RBFOX1: variants seen among roughly 807,000 people sequenced by gnomAD.
RBFOX1 encodes the protein RNA binding protein fox-1 homolog 1.
A neutral mutation model predicts 57.7 loss-of-function variants in RBFOX1; 8 were observed. The observed-to-expected ratio is 0.14, with a 90% CI of 0.08 to 0.25. RBFOX1 has a LOEUF of 0.25. Ranked by LOEUF, RBFOX1 falls within the 10% of genes least tolerant of loss-of-function variation. RBFOX1 has a pLI of 1.00. For synonymous variants in RBFOX1, 326 were observed against 222.4 expected, an observed-to-expected ratio of 1.47 and a Z score of -4.15; for missense variants, 611 against 548.5, an observed-to-expected ratio of 1.11 and a Z score of -1.14.
At chr16:6,155,498 C>T (rs2096832114) in intron 1 of RBFOX1, among the ~76,000 whole-genome samples, 1 of 152,190 alleles carries the variant, frequency 6.6e-6, no homozygotes, top group African/African-American at 2.4e-5. Flanking sequence ...ACTTCAAGGA[C>T]TTGGTAATGG....
intron 14 of RBFOX1, among the ~76,000 whole-genome samples, chr16:7,699,079 C>G (rs999163791): frequency 2.6e-5 from 4 of 152,144 alleles, no homozygotes; most frequent in African/African-American, 9.7e-5. Context: ...CCCTGAGATT[C>G]TGATTCATAA....
At chr16:7,332,989 C>A (rs777529405) in intron 4 of RBFOX1, 1 of 1,613,506 alleles carries the variant, frequency 6.2e-7, no homozygotes, top group South Asian at 1.1e-5. Flanking sequence ...GGAATAATAA[C>A]TCTACGTAAA....
chr16:6,732,225 C>T (rs963597156), intron 3 of RBFOX1, among the ~76,000 whole-genome samples: 8 of 152,228 alleles, frequency 5.3e-5, no homozygotes, highest in African/African-American at 1.9e-4. Context: ...TCTGCAGCCT[C>T]AGCTGGCATG....
At chr16:6,993,303 G>C (rs934715001) in intron 3 of RBFOX1, among the ~76,000 whole-genome samples, 1 of 152,110 alleles carries the variant, frequency 6.6e-6, no homozygotes, top group Non-Finnish European at 1.5e-5. Context: ...CTGAGAATCA[G>C]GATCTCTTGA....
At chr16:5,384,125 C>G (rs955503734) in intron 1 of RBFOX1, among the ~76,000 whole-genome samples, 4 of 152,182 alleles carry the variant, frequency 2.6e-5, no homozygotes, top group African/African-American at 7.2e-5. Context: ...GTCTTACTGG[C>G]TTTGATTGGG....
intron 3 of RBFOX1, among the ~76,000 whole-genome samples, chr16:6,706,204 C>G (rs28581762): frequency 6.6e-6 from 1 of 152,078 alleles, no homozygotes; most frequent in Non-Finnish European, 1.5e-5. Flanking sequence ...CCCTAAATTC[C>G]TCTCCTTAGG....
chr16:6,673,756 C>G (rs1247096224), intron 3 of RBFOX1, among the ~76,000 whole-genome samples: 1 of 152,184 alleles, frequency 6.6e-6, no homozygotes, highest in Non-Finnish European at 1.5e-5. Context: ...AATGTATCAT[C>G]TGTCATGGAG....
chr16:6,436,512 T>A, intron 2 of RBFOX1, among the ~76,000 whole-genome samples: 1 of 54,132 alleles, frequency 1.8e-5, no homozygotes, highest in East Asian at 4.1e-4. Flanking sequence ...TTTTCTTCAC[T>A]TTTTTTTTTT....
intron 4 of RBFOX1, among the ~76,000 whole-genome samples, chr16:7,345,572 G>C (rs2096982730): frequency 6.6e-6 from 1 of 152,134 alleles, no homozygotes; most frequent in Non-Finnish European, 1.5e-5. Context: ...GCGCCCAGCA[G>C]ATGTTGGATG....
intron 2 of RBFOX1, among the ~76,000 whole-genome samples, chr16:6,588,644 T>C (rs1035860825): frequency 6.6e-6 from 1 of 152,210 alleles, no homozygotes; most frequent in African/African-American, 2.4e-5. Context: ...AGAGTGAGAC[T>C]AAGTCTGAAA....
rs33912010 is a variant in RBFOX1, at chr16:5,989,880, A to ACACACC, written c.351+122546_351+122547insACACCC. On this transcript the variant is annotated intron_variant, in intron 4 of 19. Coordinates refer to the RBFOX1 transcript ENST00000641259. ...CACACACACACACACACACACACAC[A>ACACACC]CCACCCCTGTTTTATAATAGGAGTA... is the stretch of plus-strand genomic sequence containing the variant. Among the ~76,000 whole-genome samples, 1,215 of 127,278 alleles carry ACACACC rather than the reference A, an allele frequency of 9.5e-3. 30 individuals carry two copies. Among genetic ancestry groups the ACACACC allele is most frequent in the South Asian group, 0.062 (225 of 3,614 alleles). The allele number at this position is 127,278 out of a possible 152,430, so 83.5% of individuals were successfully genotyped here.
chr16:6,795,185 A>T (rs2083724766), intron 3 of RBFOX1, among the ~76,000 whole-genome samples: 1 of 152,168 alleles, frequency 6.6e-6, no homozygotes, highest in East Asian at 1.9e-4. Context: ...TGCTAATTCC[A>T]AGCTGGGTAT....
chr16:5,478,561 G>T (rs953278407), intron 2 of RBFOX1, among the ~76,000 whole-genome samples: 1 of 152,188 alleles, frequency 6.6e-6, no homozygotes, highest in African/African-American at 2.4e-5. Flanking sequence ...TTGGCCTTAT[G>T]AATGCAGGAT....
intron 4 of RBFOX1, among the ~76,000 whole-genome samples, chr16:7,260,500 C>G (rs1044402899): frequency 6.6e-6 from 1 of 152,040 alleles, no homozygotes; most frequent in Non-Finnish European, 1.5e-5. Context: ...TTGATGTACT[C>G]TTTCCCCGTT....
chr16:5,505,116 T>C lies in RBFOX1; in HGVS notation c.258+37862T>C, dbSNP rs79161161. On this transcript the variant is annotated intron_variant, in intron 2 of 2. Transcript: ENST00000585867. ...CTTTCAGTGGGGGAATTGTGCAGTGTATGAGTTATAGCTCAGTAAAGCTGT... is the reference window on the plus strand; with the variant it reads ...CTTTCAGTGGGGGAATTGTGCAGTGCATGAGTTATAGCTCAGTAAAGCTGT... 7.0e-3 allele frequency among the ~76,000 whole-genome samples: 1,060 copies of C among 152,272 alleles called. 17 individuals carry two copies. Among genetic ancestry groups the C allele is most frequent in the African/African-American group, 0.024 (1,015 of 41,538 alleles).
intron 4 of RBFOX1, among the ~76,000 whole-genome samples, chr16:7,085,573 A>C (rs978310039): frequency 1.3e-5 from 2 of 152,136 alleles, no homozygotes; most frequent in Non-Finnish European, 2.9e-5. Flanking sequence ...TATTTGTGGA[A>C]TCAATGAATG....
intron 1 of RBFOX1, among the ~76,000 whole-genome samples, chr16:5,378,338 C>A (rs953335538): frequency 6.6e-6 from 1 of 151,514 alleles, no homozygotes; most frequent in Non-Finnish European, 1.5e-5. Context: ...CCCAGTCGGA[C>A]TCTCGCTCTC....
intron 3 of RBFOX1, among the ~76,000 whole-genome samples, chr16:6,748,321 G>A (rs191241804): frequency 1.3e-5 from 2 of 150,982 alleles, no homozygotes; most frequent in South Asian, 2.1e-4. Context: ...ACATATATAC[G>A]TACACATACA....
intron 3 of RBFOX1, among the ~76,000 whole-genome samples, chr16:6,924,686 T>G (rs1456413194): frequency 6.6e-6 from 1 of 151,896 alleles, no homozygotes; most frequent in Non-Finnish European, 1.5e-5. Context: ...TTTTTTAATT[T>G]TATTATTATT....
Sources: allele counts gnomAD v4.1 joint callset (sites outside exome capture counted in the v4.1 genomes callset), GRCh38; gene constraint gnomAD v4.1.1; transcripts MANE v1.5; gene names NCBI Gene and HGNC (gene_info 2026-07-23, HGNC 2026-07-21).